Variants in CPXM2 observed in about 807,000 individuals in gnomAD.
CPXM2 encodes the protein inactive carboxypeptidase-like protein X2.
A neutral mutation model predicts 86.1 loss-of-function variants in CPXM2; 66 were observed. The observed-to-expected ratio is 0.77, with a 90% CI of 0.63 to 0.94. The LOEUF (loss-of-function observed/expected upper bound fraction) is 0.94, where lower values mean the gene tolerates loss of function less well. Ranked by LOEUF, CPXM2 falls within the 40% of genes least tolerant of loss-of-function variation. The pLI is 0.00. For synonymous variants in CPXM2, 388 were observed against 400.2 expected, an observed-to-expected ratio of 0.97 and a Z score of 0.36; for missense variants, 948 against 1,026.3, an observed-to-expected ratio of 0.92 and a Z score of 1.04.
chr10:123,941,622 A>G (rs1316161318), upstream of CPXM2, among the ~76,000 whole-genome samples: 1 of 152,250 alleles, frequency 6.6e-6, no homozygotes, highest in Non-Finnish European at 1.5e-5. Flanking sequence ...ACAGTGAATA[A>G]TGTTAAAACA....
chr10:123,765,638 T>C lies in CPXM2; in HGVS notation c.1479+1335A>G, dbSNP rs139656346. ...GAAACATGAGAGCAGATTTAGAAGA[T>C]GGAAGACTCAGGGGCCTCCCTAGTC... On this transcript the variant is annotated intron_variant, in intron 10 of 13. Transcript: ENST00000241305. Among the ~76,000 whole-genome samples the C allele has an allele frequency of 5.6e-3, 853 of 152,316 alleles. 7 individuals carry two copies. Among genetic ancestry groups the C allele is most frequent in the African/African-American group, 0.017 (709 of 41,578 alleles).
intron 4 of CPXM2, among the ~76,000 whole-genome samples, chr10:123,809,741 T>A (rs1226726247): frequency 6.9e-6 from 1 of 145,862 alleles, no homozygotes; most frequent in Non-Finnish European, 1.5e-5. Flanking sequence ...TTATTAAAAA[T>A]TAATAAGATA....
chr10:123,769,514 G>A (rs1846576836), intron 8 of CPXM2: 1 of 152,190 alleles, frequency 6.6e-6, no homozygotes, highest in Non-Finnish European at 1.5e-5. Flanking sequence ...CCCAAAAGGT[G>A]GAGGTTGTAA....
At chr10:123,766,788 G>A (rs1846485265) in intron 10 of CPXM2, among the ~76,000 whole-genome samples, 185 bp downstream of exon 10, 1 of 152,174 alleles carries the variant, frequency 6.6e-6, no homozygotes, top group South Asian at 2.1e-4. Context: ...TCTCCTCTAT[G>A]AAGAATCTCC....
At chr10:123,764,811 T>A (rs11812951) in intron 10 of CPXM2, among the ~76,000 whole-genome samples, 5,803 of 150,294 alleles carry the variant, frequency 0.039, 170 homozygotes, top group African/African-American at 0.076. Flanking sequence ...TTAATTAATT[T>A]ATTTATTTAT....
At position 123,795,063 on chromosome 10, in the gene CPXM2, C is replaced by G. The variant is rs573095767; in HGVS notation, c.889+2913G>C. Reference sequence around the variant, plus strand: ...GGGATTACAGGTGGGAGCCACCATGCCCTGCCAAATTATTTTTAATTGTGG... The same window carrying G: ...GGGATTACAGGTGGGAGCCACCATGGCCTGCCAAATTATTTTTAATTGTGG... On this transcript the variant is annotated intron_variant, in intron 6 of 13. Coordinates refer to ENST00000241305, the MANE Select transcript of CPXM2 (RefSeq NM_198148.3). 1.4e-4 allele frequency among the ~76,000 whole-genome samples: 21 copies of G among 152,292 alleles called. No individual in the cohort carries two copies. The South Asian group carries it at 4.4e-3, about 32-fold the overall frequency.
At chr10:123,783,887 C>T (rs1846990948) in intron 6 of CPXM2, among the ~76,000 whole-genome samples, 1 of 152,152 alleles carries the variant, frequency 6.6e-6, no homozygotes, top group African/African-American at 2.4e-5. Flanking sequence ...TCCTCTGCAA[C>T]ACCTTAGTTA....
intron 6 of CPXM2, among the ~76,000 whole-genome samples, chr10:123,797,675 C>A (rs1049745965): frequency 6.6e-6 from 1 of 152,156 alleles, no homozygotes; most frequent in African/African-American, 2.4e-5. Flanking sequence ...CCTCCTGCCT[C>A]AGCCTCCCAA....
At chr10:123,932,232 T>G (rs919835521) in intron 2 of CPXM2, among the ~76,000 whole-genome samples, 3 of 152,202 alleles carry the variant, frequency 2.0e-5, no homozygotes, top group African/African-American at 7.2e-5. Flanking sequence ...ATCTTCTGTG[T>G]GTATAGGGTG....
intron 2 of CPXM2, among the ~76,000 whole-genome samples, chr10:123,897,342 A>T (rs957611017): frequency 6.6e-6 from 1 of 152,072 alleles, no homozygotes; most frequent in Non-Finnish European, 1.5e-5. Context: ...AAGCTTTGTG[A>T]GGGGAGAATA....
intron 5 of CPXM2, 127 bp from the exon 6 acceptor site, chr10:123,798,253 GAA>G (rs11356678): frequency 0.042 from 15,466 of 371,362 alleles, 5 homozygotes; most frequent in Middle Eastern, 0.07. Flanking sequence ...GCATTGAAAA[GAA>G]AAAAAAAAAA....
intron 4 of CPXM2, among the ~76,000 whole-genome samples, chr10:123,802,376 G>A (rs780951828): frequency 6.6e-6 from 1 of 152,206 alleles, no homozygotes; most frequent in Non-Finnish European, 1.5e-5. Context: ...AAATAAGCGT[G>A]ATCACAGATG....
chr10:123,753,127 G>A (rs996867525), intron 13 of CPXM2, among the ~76,000 whole-genome samples: 1 of 152,238 alleles, frequency 6.6e-6, no homozygotes, highest in South Asian at 2.1e-4. Context: ...CAGGAACCCA[G>A]AGACCCCCCG....
intron 1 of CPXM2, among the ~76,000 whole-genome samples, chr10:123,886,744 A>G (rs1360306468): frequency 2.6e-5 from 4 of 152,194 alleles, no homozygotes; most frequent in Non-Finnish European, 5.9e-5. Flanking sequence ...AATAAATAAA[A>G]TCTTCAAATC....
At chr10:123,898,470 A>T (rs181298981) in intron 2 of CPXM2, among the ~76,000 whole-genome samples, 4 of 143,588 alleles carry the variant, frequency 2.8e-5, no homozygotes, top group East Asian at 1.9e-4. Context: ...ATCTCAAAAA[A>T]ATATATATAT....
At chr10:123,844,182 C>T (rs928389348) in intron 3 of CPXM2, among the ~76,000 whole-genome samples, 5 of 152,018 alleles carry the variant, frequency 3.3e-5, no homozygotes, top group Admixed American at 2.6e-4. Context: ...ATTATACCAT[C>T]GTGCAATAAA....
At chr10:123,919,253 G>T (rs1273899184) in intron 2 of CPXM2, among the ~76,000 whole-genome samples, 1 of 152,188 alleles carries the variant, frequency 6.6e-6, no homozygotes, top group Non-Finnish European at 1.5e-5. Context: ...CACAAAAGAT[G>T]CACAGGGACT....
intron 11 of CPXM2, 103 bp from the exon 12 acceptor site, chr10:123,757,455 C>A (rs1417433743): frequency 1.0e-6 from 1 of 1,003,036 alleles, no homozygotes; most frequent in Non-Finnish European, 1.5e-6. Context: ...ATTCGGAAGG[C>A]CTTGTTTAAA....
intron 2 of CPXM2, among the ~76,000 whole-genome samples, chr10:123,927,712 T>G (rs900649031): frequency 6.6e-6 from 1 of 152,208 alleles, no homozygotes; most frequent in Admixed American, 6.5e-5. Context: ...GCCAGACACC[T>G]GCCACTCTGG....
Sources: allele counts gnomAD v4.1 joint callset (sites outside exome capture counted in the v4.1 genomes callset), GRCh38; gene constraint gnomAD v4.1.1; transcripts MANE v1.5; gene names NCBI Gene and HGNC (gene_info 2026-07-23, HGNC 2026-07-21).